PDLIM1: variants seen among roughly 807,000 people sequenced by gnomAD.
PDLIM1 encodes PDZ and LIM domain protein 1.
Under a neutral mutation model 35.2 loss-of-function variants are expected in PDLIM1, and 25 were observed. That is an observed-to-expected ratio of 0.71 (90% confidence interval 0.52 to 0.99). PDLIM1 has a LOEUF of 0.99. Ranked by LOEUF, PDLIM1 falls within the 50% of genes least tolerant of loss-of-function variation. The pLI is 0.00. For synonymous variants in PDLIM1, 152 were observed against 154.0 expected (o/e 0.99, Z 0.10); for missense variants, 363 against 415.3 (o/e 0.87, Z 1.09).
chr10:95,268,665 A>C (rs1030791829), intron 3 of PDLIM1, 113 bp downstream of exon 3: 3 of 741,824 alleles, frequency 4.0e-6, no homozygotes, highest in Non-Finnish European at 7.4e-6. Flanking sequence ...GAGACAGTGA[A>C]GGGTCTTATC....
At chr10:95,257,037 A>AGAAAGAAAGAAAGAAAGAAAGAAAGAAT (rs1192380541) in intron 4 of PDLIM1, among the ~76,000 whole-genome samples, 4 of 139,464 alleles carry the variant, frequency 2.9e-5, no homozygotes, top group African/African-American at 1.0e-4. Flanking sequence ...AAAGAAAGAA[A>AGAAAGAAAGAAAGAAAGAAAGAAAGAAT]GAATTCAAAA....
At chr10:95,285,236 G>A (rs1044824653) in intron 1 of PDLIM1, among the ~76,000 whole-genome samples, 10 of 152,132 alleles carry the variant, frequency 6.6e-5, no homozygotes, top group Non-Finnish European at 1.0e-4. Flanking sequence ...GGAGGGACAG[G>A]GAAGGGAGGT....
In PDLIM1 at chr10:95,264,043, G is replaced by T. The variant is rs201856929; in HGVS notation, c.354C>A (p.Ser118Arg). Residue 118 changes from serine (S) to arginine (R), a missense_variant, in exon 4 of 7, where the codon AGC becomes AGA. Coordinates refer to ENST00000329399, the MANE Select transcript of PDLIM1 (RefSeq NM_020992.4). Reference sequence around the variant, plus strand: ...AGGGCATGGCACTTCGGTTGTGGGCGCTTCCTATGTGCAGGACCTCCTGCA... The same window carrying T: ...AGGGCATGGCACTTCGGTTGTGGGCTCTTCCTATGTGCAGGACCTCCTGCA... ...SEPQEVLHIG[S>R]AHNRSAMPFT... 6.2e-7 allele frequency: 1 copy of T among 1,613,562 alleles called. No homozygotes were observed. The highest frequency in any genetic ancestry group is 2.2e-5 in the East Asian group (1 of 44,868).
intron 1 of PDLIM1, among the ~76,000 whole-genome samples, chr10:95,286,293 G>T (rs2035601186): frequency 6.6e-6 from 1 of 151,932 alleles, no homozygotes; most frequent in Non-Finnish European, 1.5e-5. Context: ...GGGGGTGGAG[G>T]TTGCAGTGAG....
Position 95,268,770 on chromosome 10 carries a change from G to C in PDLIM1, c.333+8C>G, listed in dbSNP as rs779356649. 6.3e-7 allele frequency: 1 copy of C among 1,588,866 alleles called. No homozygotes were observed. Among genetic ancestry groups the C allele is most frequent in the African/African-American group, 1.3e-5 (1 of 74,436 alleles). On this transcript the variant is annotated splice_region_variant and intron_variant, in intron 3 of 6. Transcript: ENST00000329399. ...TGAGAGCAGCGGCAACGATGAGCAA[G>C]AACTTACCTGGGGTTCAGAGGCTAA... is the stretch of plus-strand genomic sequence containing the variant.
At chr10:95,242,072 G>A (rs1224825401) in intron 5 of PDLIM1, among the ~76,000 whole-genome samples, 9 of 152,176 alleles carry the variant, frequency 5.9e-5, no homozygotes, top group Non-Finnish European at 1.2e-4. Context: ...GATGCACACA[G>A]ATGTCCACCT....
intron 4 of PDLIM1, among the ~76,000 whole-genome samples, chr10:95,262,533 G>A (rs549740988): frequency 2.0e-5 from 3 of 152,288 alleles, no homozygotes; most frequent in East Asian, 3.9e-4. Context: ...CATGAGGCAC[G>A]TGGCTGGAGC....
At chr10:95,253,416 C>T (rs921647608) in intron 4 of PDLIM1, among the ~76,000 whole-genome samples, 3 of 152,006 alleles carry the variant, frequency 2.0e-5, no homozygotes, top group Non-Finnish European at 4.4e-5. Flanking sequence ...AAGAAGGAAC[C>T]AGCCAGGCAT....
At chr10:95,276,740 C>T (rs2035514514) in intron 1 of PDLIM1, among the ~76,000 whole-genome samples, 1 of 151,992 alleles carries the variant, frequency 6.6e-6, no homozygotes, top group Non-Finnish European at 1.5e-5. Flanking sequence ...AGGGGTTAAG[C>T]AGTTTGCCTG....
chr10:95,251,852 G>A (rs1299629740), intron 4 of PDLIM1, among the ~76,000 whole-genome samples: 4 of 152,172 alleles, frequency 2.6e-5, no homozygotes, highest in Non-Finnish European at 5.9e-5. Context: ...GGGACCCCAC[G>A]TCCTGAGGAC....
intron 4 of PDLIM1, among the ~76,000 whole-genome samples, chr10:95,258,489 G>A (rs1026141836): frequency 5.9e-5 from 9 of 151,866 alleles, no homozygotes; most frequent in Admixed American, 2.0e-4. Context: ...GGGACAGAGC[G>A]AGACTCTGTC....
chr10:95,258,853 GA>G (rs979522932), intron 4 of PDLIM1, among the ~76,000 whole-genome samples: 2 of 150,976 alleles, frequency 1.3e-5, no homozygotes, highest in East Asian at 1.9e-4. Flanking sequence ...CCATAAAACA[GA>G]AAAAAAAGGA....
At chr10:95,264,087 A>G (rs754494781) in intron 3 of PDLIM1, 24 bp from the exon 4 acceptor site, 19 of 1,604,094 alleles carry the variant, frequency 1.2e-5, no homozygotes, top group Non-Finnish European at 1.6e-5. Flanking sequence ...TCAGAGGAGA[A>G]ATCAAGGGGG....
intron 1 of PDLIM1, among the ~76,000 whole-genome samples, chr10:95,288,735 A>G (rs1176871728): frequency 2.0e-5 from 3 of 152,242 alleles, no homozygotes; most frequent in African/African-American, 7.2e-5. Context: ...TAAGGAGCTG[A>G]AGAGAAACAA....
At chr10:95,275,030 A>C (rs1425668077) in intron 1 of PDLIM1, among the ~76,000 whole-genome samples, 1 of 152,180 alleles carries the variant, frequency 6.6e-6, no homozygotes, top group Non-Finnish European at 1.5e-5. Context: ...ATTATTCCAG[A>C]GCTCACAATA....
At chr10:95,272,786 T>C (rs1014130555) in intron 1 of PDLIM1, among the ~76,000 whole-genome samples, 1 of 152,242 alleles carries the variant, frequency 6.6e-6, no homozygotes, top group African/African-American at 2.4e-5. Flanking sequence ...ACTAGGGTCA[T>C]TCCCTATAGA....
chr10:95,247,500 G>A, intron 4 of PDLIM1, 134 bp from the exon 5 acceptor site: 1 of 675,620 alleles, frequency 1.5e-6, no homozygotes, highest in Admixed American at 3.0e-5. Flanking sequence ...TCCTAAATCA[G>A]CCACAGACCT....
intron 1 of PDLIM1, among the ~76,000 whole-genome samples, chr10:95,275,644 C>T (rs554735209): frequency 2.0e-5 from 3 of 152,168 alleles, no homozygotes; most frequent in Non-Finnish European, 4.4e-5. Flanking sequence ...AGCATGACCA[C>T]TCACAAAACT....
At position 95,237,951 on chromosome 10, in the gene PDLIM1, C is replaced by A; in HGVS notation, c.964G>T (p.Glu322Ter). ...RERVTPPEGY[E>*]VVTVFPK ...CACTTGGGGAACACAGTGACCACTT[C>A]ATAACCCTCAGGTGGTGTGACTCGC... The change falls in exon 7 of 7, where the codon GAA becomes TAA. Residue 322 changes from glutamate (E) to a stop codon, truncating the protein, a stop_gained. Coordinates refer to ENST00000329399, the MANE Select transcript of PDLIM1 (RefSeq NM_020992.4). LOFTEE classifies it high-confidence loss of function. 1 of 1,614,192 alleles carries A rather than the reference C, an allele frequency of 6.2e-7. No homozygotes were observed.
Sources: gnomAD v4.1 joint callset for allele counts (sites outside exome capture counted in the v4.1 genomes callset) on GRCh38, gnomAD v4.1.1 for gene constraint, MANE v1.5 for transcripts, NCBI Gene and HGNC (gene_info 2026-07-23, HGNC 2026-07-21) for gene names.